CHRM3: variants seen among roughly 807,000 people sequenced by gnomAD.
CHRM3 encodes the protein cholinergic receptor muscarinic 3.
CHRM3 carries 11 observed loss-of-function variants against 41.8 expected under a neutral mutation model. That is an observed-to-expected ratio of 0.26 (90% confidence interval 0.17 to 0.44). CHRM3 has a LOEUF of 0.44. Among genes scored for constraint, CHRM3 ranks in the 20% least tolerant of loss-of-function variants. CHRM3 has a pLI of 1.00. For synonymous variants in CHRM3, 297 were observed against 301.4 expected (o/e 0.99, Z 0.15); for missense variants, 571 against 745.4 (o/e 0.77, Z 2.72).
intron 5 of CHRM3, among the ~76,000 whole-genome samples, chr1:239,693,166 A>C (rs938120028): frequency 8.5e-5 from 13 of 152,264 alleles, no homozygotes; most frequent in Non-Finnish European, 1.8e-4. Context: ...ATGGCTACAC[A>C]GTTCAAAGTA....
At chr1:239,618,311 G>C in intron 3 of CHRM3, among the ~76,000 whole-genome samples, 1 of 138,906 alleles carries the variant, frequency 7.2e-6, no homozygotes, top group Admixed American at 7.4e-5. Flanking sequence ...CAAGCAGAGT[G>C]GTAAGGCACA....
intron 1 of CHRM3, among the ~76,000 whole-genome samples, chr1:239,441,961 A>C (rs1663756684): frequency 6.6e-6 from 1 of 152,208 alleles, no homozygotes; most frequent in East Asian, 1.9e-4. Context: ...TACATGATTT[A>C]TGTTTTAAGC....
At position 239,837,880 on chromosome 1, in the gene CHRM3, C is replaced by T. The variant is rs190238980; in HGVS notation, c.-20+10502C>T. ...GTGCAGCATAGTAGGCCAAGCTGTA[C>T]CTGCTATGAAGCTGAAACAGCTAGA... On this transcript the variant is annotated intron_variant, in intron 6 of 6. Coordinates refer to ENST00000676153, the MANE Select transcript of CHRM3 (RefSeq NM_001375978.1). Among the ~76,000 whole-genome samples, 39 of 152,258 alleles carry T rather than the reference C, an allele frequency of 2.6e-4. No individual in the cohort carries two copies. The East Asian group carries it at 6.8e-3, about 26-fold the overall frequency.
intron 5 of CHRM3, among the ~76,000 whole-genome samples, chr1:239,746,838 A>T (rs1665403259): frequency 6.6e-6 from 1 of 151,774 alleles, no homozygotes; most frequent in Admixed American, 6.6e-5. Flanking sequence ...GCTCACTGCA[A>T]CCTCTGCCTC....
intron 4 of CHRM3, among the ~76,000 whole-genome samples, chr1:239,667,050 T>C (rs1673878936): frequency 6.6e-6 from 1 of 152,202 alleles, no homozygotes; most frequent in African/African-American, 2.4e-5. Flanking sequence ...TCTGCATCTC[T>C]TCTCAAATCA....
chr1:239,448,234 G>A (rs1222166732), intron 1 of CHRM3, among the ~76,000 whole-genome samples: 1 of 152,174 alleles, frequency 6.6e-6, no homozygotes, highest in African/African-American at 2.4e-5. Flanking sequence ...CATAATATAT[G>A]CTGAATAAAT....
rs1680254507 is a variant in CHRM3 at position 239,909,793 on chromosome 1, G to C, written c.*569G>C. The C allele has an allele frequency of 6.0e-6, 1 of 167,846 alleles. No homozygotes were observed. 10.4% of individuals were successfully genotyped at this position (167,846 alleles called of 1,614,324 possible). On this transcript the variant is annotated 3_prime_UTR_variant, in exon 7 of 7. Coordinates refer to ENST00000676153, the MANE Select transcript of CHRM3 (RefSeq NM_001375978.1). ...GGACTTGATTCTTGATTCTTGCAAAGTACTGTTTTGTGCAGTTCAAGTTTC... is the reference window on the plus strand; with the variant it reads ...GGACTTGATTCTTGATTCTTGCAAACTACTGTTTTGTGCAGTTCAAGTTTC...
At chr1:239,697,019 G>A (rs1202316501) in intron 5 of CHRM3, among the ~76,000 whole-genome samples, 1 of 152,294 alleles carries the variant, frequency 6.6e-6, no homozygotes, top group Non-Finnish European at 1.5e-5. Flanking sequence ...ACTATAGTAA[G>A]CACAGGGAAC....
At chr1:239,601,475 G>C (rs899510030) in intron 3 of CHRM3, among the ~76,000 whole-genome samples, 3 of 152,048 alleles carry the variant, frequency 2.0e-5, no homozygotes, top group Non-Finnish European at 2.9e-5. Context: ...AATGAGGTTA[G>C]AGTCAGATAA....
At chr1:239,408,893 T>C (rs1660853247) in intron 1 of CHRM3, among the ~76,000 whole-genome samples, 1 of 151,884 alleles carries the variant, frequency 6.6e-6, no homozygotes, top group Non-Finnish European at 1.5e-5. Flanking sequence ...AAATGCTAGG[T>C]TTATAGGCGT....
At chr1:239,692,015 A>G (rs563419671) in intron 5 of CHRM3, among the ~76,000 whole-genome samples, 13 of 152,328 alleles carry the variant, frequency 8.5e-5, no homozygotes, top group African/African-American at 2.9e-4. Flanking sequence ...CCAGTGTCTT[A>G]CATCAGTTTC....
chr1:239,568,991 AT>A (rs1558326597), intron 3 of CHRM3, among the ~76,000 whole-genome samples: 1 of 151,972 alleles, frequency 6.6e-6, no homozygotes, highest in Non-Finnish European at 1.5e-5. Context: ...GTTTGTTGTT[AT>A]TTTTTTCCCA....
intron 3 of CHRM3, among the ~76,000 whole-genome samples, chr1:239,603,271 T>C (rs1558362914): frequency 6.6e-6 from 1 of 152,154 alleles, no homozygotes; most frequent in Non-Finnish European, 1.5e-5. Context: ...GTAGAGTCCT[T>C]ACAATTAAAG....
intron 1 of CHRM3, among the ~76,000 whole-genome samples, chr1:239,404,420 AAGAAAGAAAG>A (rs1558195866): frequency 1.1e-3 from 101 of 93,642 alleles, no homozygotes; most frequent in African/African-American, 4.4e-3. Context: ...AAAAGAAAGA[AAGAAAGAAAG>A]AAAGAAAGAA....
chr1:239,432,940 A>G (rs540143891), intron 1 of CHRM3, among the ~76,000 whole-genome samples: 4 of 152,130 alleles, frequency 2.6e-5, no homozygotes, highest in Non-Finnish European at 5.9e-5. Context: ...GTTCTGTCCT[A>G]TTTTTACTCT....
At chr1:239,502,652 T>G (rs1235386316) in intron 2 of CHRM3, among the ~76,000 whole-genome samples, 1 of 152,178 alleles carries the variant, frequency 6.6e-6, no homozygotes, top group Non-Finnish European at 1.5e-5. Flanking sequence ...TACAGACCGA[T>G]AACCTTGATG....
chr1:239,468,742 G>T (rs1665906035), intron 1 of CHRM3, among the ~76,000 whole-genome samples: 1 of 152,096 alleles, frequency 6.6e-6, no homozygotes, highest in African/African-American at 2.4e-5. Flanking sequence ...CATTTGTAAT[G>T]ACTTTATATC....
At chr1:239,642,367 A>T (rs1361574346) in intron 4 of CHRM3, among the ~76,000 whole-genome samples, 1 of 152,040 alleles carries the variant, frequency 6.6e-6, no homozygotes, top group Non-Finnish European at 1.5e-5. Flanking sequence ...GTGTTTTCCA[A>T]CTTGGTTCCA....
intron 3 of CHRM3, among the ~76,000 whole-genome samples, chr1:239,574,303 G>C (rs925609031): frequency 3.9e-5 from 6 of 152,094 alleles, no homozygotes; most frequent in Non-Finnish European, 7.4e-5. Context: ...AGCATGGTTT[G>C]GATGTTCATT....
Sources: allele counts gnomAD v4.1 joint callset (sites outside exome capture counted in the v4.1 genomes callset), GRCh38; gene constraint gnomAD v4.1.1; transcripts MANE v1.5; gene names NCBI Gene and HGNC (gene_info 2026-07-23, HGNC 2026-07-21).